VSIR: variants seen among roughly 807,000 people sequenced by gnomAD.
The protein encoded by VSIR is V-set immunoregulatory receptor, also known as V-type immunoglobulin domain-containing suppressor of T-cell activation.
Under a neutral mutation model 31.0 loss-of-function variants are expected in VSIR, and 10 were observed. The observed-to-expected ratio is 0.32, with a 90% CI of 0.20 to 0.55. VSIR has a LOEUF of 0.55. Among genes scored for constraint, VSIR ranks in the 20% least tolerant of loss-of-function variants. The pLI, the probability that VSIR is intolerant of heterozygous loss-of-function variation, is 0.93. For synonymous variants in VSIR, 179 were observed against 180.1 expected (o/e 0.99, Z 0.05); for missense variants, 356 against 416.2 (o/e 0.86, Z 1.26).
Position 71,751,616 on chromosome 10 carries a change from T to C in VSIR, c.898+52A>G, listed in dbSNP as rs1336052892. On this transcript the variant is annotated intron_variant, in intron 6 of 6. Transcript: ENST00000394957. The surrounding 1 kb of genome is among the most constrained non-coding windows in gnomAD (Gnocchi z 4.9). ...AGTGAGGCCGATGCCCTGCAGGCCA[T>C]GAGGTCATGACCTTACAGGTCATCG... The C allele has an allele frequency of 6.7e-7, 1 of 1,490,418 alleles. No homozygotes were observed. The highest frequency in any genetic ancestry group is 1.4e-5 in the African/African-American group (1 of 70,976). 92.3% of individuals were successfully genotyped at this position (1,490,418 alleles called of 1,614,324 possible). A position where few individuals can be genotyped will look rare whatever the true frequency, so the allele number is the denominator to read the frequency against.
chr10:71,759,766 C>T (rs534981973), intron 3 of VSIR, among the ~76,000 whole-genome samples: 8 of 150,234 alleles, frequency 5.3e-5, no homozygotes, highest in Admixed American at 2.7e-4. Context: ...GAGCCCAGAT[C>T]GCGCCACTGC....
At chr10:71,753,760 GA>G (rs1300295498) in intron 4 of VSIR, 1 of 456,274 alleles carries the variant, frequency 2.2e-6, no homozygotes, top group East Asian at 6.9e-5. Context: ...TGCTGATTAC[GA>G]TGGGGAAACA....
intron 3 of VSIR, among the ~76,000 whole-genome samples, chr10:71,757,412 GC>G (rs1315554154): frequency 6.6e-6 from 1 of 152,230 alleles, no homozygotes; most frequent in Non-Finnish European, 1.5e-5. Context: ...TGAGGCTGGG[GC>G]AGAGGGGCGC....
chr10:71,772,280 C>T (rs1021330101), intron 1 of VSIR, among the ~76,000 whole-genome samples: 6 of 152,288 alleles, frequency 3.9e-5, no homozygotes, highest in Non-Finnish European at 8.8e-5. Context: ...CCTCCTCTCC[C>T]TCTTATCCTA....
At chr10:71,759,473 T>C (rs1840239063) in intron 3 of VSIR, among the ~76,000 whole-genome samples, 1 of 151,810 alleles carries the variant, frequency 6.6e-6, no homozygotes, top group Non-Finnish European at 1.5e-5. Context: ...CACCACTGCA[T>C]TCCAGCCTGA....
At chr10:71,766,285 C>T (rs1034839595) in intron 1 of VSIR, among the ~76,000 whole-genome samples, 8 of 152,170 alleles carry the variant, frequency 5.3e-5, no homozygotes, top group African/African-American at 1.7e-4. Context: ...GAAAATGACC[C>T]GGGGCCTGGG....
intron 3 of VSIR, among the ~76,000 whole-genome samples, chr10:71,756,422 G>A (rs1840150227): frequency 6.6e-6 from 1 of 152,194 alleles, no homozygotes; most frequent in African/African-American, 2.4e-5. Flanking sequence ...TGGTAGACAT[G>A]TTGTTTCCAT....
At chr10:71,755,218 C>G in intron 4 of VSIR, 141 bp downstream of exon 4, 1 of 834,418 alleles carries the variant, frequency 1.2e-6, no homozygotes, top group Non-Finnish European at 1.9e-6. Flanking sequence ...CAGCTCCTGG[C>G]GGGAAGTGCA....
chr10:71,757,953 TCTCATTCCCCTAC>T (rs1840192628), intron 3 of VSIR, among the ~76,000 whole-genome samples: 1 of 152,162 alleles, frequency 6.6e-6, no homozygotes, highest in Non-Finnish European at 1.5e-5. Flanking sequence ...ACTTCTCTAG[TCTCATTCCCCTAC>T]CTCAGGTTAA....
Position 71,751,177 on chromosome 10 carries a change from C to A in VSIR, c.*76G>T, listed in dbSNP as rs1839987530. On this transcript the variant is annotated 3_prime_UTR_variant, in exon 7 of 7. Coordinates refer to ENST00000394957, the MANE Select transcript of VSIR (RefSeq NM_022153.2). This position sits in a 1 kb window ranked among gnomAD's most constrained non-coding sequence, Gnocchi z 4.9. ...GAACCAGGGCCGAGGCCAAGGAGGC[C>A]ACTCACAGAGCCAGCCCTGGCTCAA... 13 of 1,519,974 alleles carry A rather than the reference C, an allele frequency of 8.6e-6. No homozygotes were observed. The highest frequency in any genetic ancestry group is 5.9e-5 in the Admixed American group (3 of 51,230). 94.2% of individuals were successfully genotyped at this position (1,519,974 alleles called of 1,614,324 possible).
At chr10:71,758,343 A>G (rs1840203514) in intron 3 of VSIR, among the ~76,000 whole-genome samples, 1 of 152,176 alleles carries the variant, frequency 6.6e-6, no homozygotes, top group Non-Finnish European at 1.5e-5. Flanking sequence ...AGGGCCTAGC[A>G]GGGGCTGGTC....
chr10:71,768,616 C>T (rs1238140794), intron 1 of VSIR, among the ~76,000 whole-genome samples: 2 of 152,148 alleles, frequency 1.3e-5, no homozygotes, highest in African/African-American at 4.8e-5. Context: ...GGACTACAGA[C>T]ACATGCCACT....
In VSIR at chr10:71,755,475, G is replaced by A; in HGVS notation, c.569-9C>T. 1 of 1,606,224 alleles carries A rather than the reference G, an allele frequency of 6.2e-7. No individual in the cohort carries two copies. The highest frequency in any genetic ancestry group is 2.2e-5 in the East Asian group (1 of 44,616). ...GGCTGCAGCCGTGATGTCTGAAAGGGCAGAGAGGTAGCCAAGGTGAAGCCC... is the reference window on the plus strand; with the variant it reads ...GGCTGCAGCCGTGATGTCTGAAAGGACAGAGAGGTAGCCAAGGTGAAGCCC... On this transcript the variant is annotated splice_polypyrimidine_tract_variant and intron_variant, in intron 3 of 6. Coordinates refer to ENST00000394957, the MANE Select transcript of VSIR (RefSeq NM_022153.2).
intron 1 of VSIR, among the ~76,000 whole-genome samples, chr10:71,772,523 G>A (rs912012848): frequency 7.2e-5 from 11 of 152,252 alleles, no homozygotes; most frequent in African/African-American, 2.7e-4. Flanking sequence ...GGGAGCCCCT[G>A]TGTTGGGGCC....
chr10:71,766,049 C>T (rs375048521), intron 1 of VSIR, among the ~76,000 whole-genome samples: 5 of 152,354 alleles, frequency 3.3e-5, no homozygotes, highest in South Asian at 4.1e-4. Context: ...GCGCACAGCA[C>T]GCAGAGGGGC....
At chr10:71,753,783 AG>A in intron 4 of VSIR, 1 of 456,392 alleles carries the variant, frequency 2.2e-6, no homozygotes, top group African/African-American at 2.0e-5. Flanking sequence ...ATGGTGGGGG[AG>A]GGGCACAACA....
At chr10:71,754,846 A>C (rs1446055852) in intron 4 of VSIR, among the ~76,000 whole-genome samples, 1 of 152,212 alleles carries the variant, frequency 6.6e-6, no homozygotes, top group Non-Finnish European at 1.5e-5. Context: ...CCACTTACTA[A>C]GTTACGTAAC....
In VSIR at chr10:71,749,363, G is replaced by A. The variant is rs1442323145; in HGVS notation, c.*1890C>T. 6.6e-6 allele frequency: 1 copy of A among 152,158 alleles called. No individual in the cohort carries two copies. The highest frequency in any genetic ancestry group is 1.9e-4 in the East Asian group (1 of 5,192). 9.4% of individuals were successfully genotyped at this position (152,158 alleles called of 1,614,324 possible). A position where few individuals can be genotyped will look rare whatever the true frequency, so the allele number is the denominator to read the frequency against. Reference sequence around the variant, plus strand: ...TGCTCCGTCCCCAGGCTGGAGTGTAGTGGCTCGAACACAGCTCACAGCAGC... The same window carrying A: ...TGCTCCGTCCCCAGGCTGGAGTGTAATGGCTCGAACACAGCTCACAGCAGC... On this transcript the variant is annotated 3_prime_UTR_variant, in exon 7 of 7. Transcript: ENST00000394957.
intron 1 of VSIR, among the ~76,000 whole-genome samples, chr10:71,767,175 A>G (rs1840567947): frequency 6.6e-6 from 1 of 152,202 alleles, no homozygotes; most frequent in Non-Finnish European, 1.5e-5. Flanking sequence ...TCTTCTCAGA[A>G]TGCCAGTTTT....
Sources: allele counts gnomAD v4.1 joint callset (sites outside exome capture counted in the v4.1 genomes callset), GRCh38; gene constraint gnomAD v4.1.1; non-coding constraint Gnocchi (gnomAD v3.1); transcripts MANE v1.5; gene names NCBI Gene and HGNC (gene_info 2026-07-23, HGNC 2026-07-21).